The following HERC2 variants were observed in gnomAD, a reference collection of about 807,000 sequenced individuals.
HERC2 encodes HECT and RLD domain containing E3 ubiquitin protein ligase 2.
In HERC2, 102 loss-of-function variants were observed where a neutral mutation model predicts 537.7. That is an observed-to-expected ratio of 0.19 (90% CI 0.16 to 0.22). The LOEUF (loss-of-function observed/expected upper bound fraction) is 0.22. Ranked by LOEUF, HERC2 falls within the 10% of genes least tolerant of loss-of-function variation. The pLI, the probability that HERC2 is intolerant of heterozygous loss-of-function variation, is 1.00. For missense variants in HERC2, 4,236 were observed against 6,198.2 expected, an observed-to-expected ratio of 0.68 and a Z score of 10.63; for synonymous variants, 2,224 against 2,466.2, an observed-to-expected ratio of 0.90 and a Z score of 2.91.
At chr15:28,299,114 T>C (rs2141193288) in intron 3 of HERC2, among the ~76,000 whole-genome samples, 1 of 152,218 alleles carries the variant, frequency 6.6e-6, no homozygotes, top group East Asian at 1.9e-4. Flanking sequence ...TTCAATGGCA[T>C]TTCCTTGCAG....
chr15:28,238,750 G>T lies in HERC2; in HGVS notation c.3600C>A (p.Asn1200Lys). 6.2e-7 allele frequency: 1 copy of T among 1,610,786 alleles called. No homozygotes were observed. The highest frequency in any genetic ancestry group is 8.5e-7 in the Non-Finnish European group (1 of 1,178,878). Reference protein sequence around the residue: ...GIMESFFTGQNCRNNEEVTLI... With the variant: ...GIMESFFTGQKCRNNEEVTLI... ...GTGTCACTTCCTCATTATTTCTACA[G>T]TTCTGACCTGTAAAAAATGACTCTG... is the stretch of plus-strand genomic sequence containing the variant. Residue 1200 changes from asparagine to lysine, a missense_variant, in exon 24 of 93, where the codon AAC becomes AAA. Asn to Lys is a moderately conservative substitution (Grantham distance 94). This residue lies in a region of HERC2 where 754 missense variants were observed against 1,085.0 expected (regional missense o/e 0.69). Coordinates refer to ENST00000261609, the MANE Select transcript of HERC2 (RefSeq NM_004667.6).
intron 89 of HERC2, among the ~76,000 whole-genome samples, chr15:28,115,099 G>A (rs749123510): frequency 6.6e-6 from 1 of 151,580 alleles, no homozygotes; most frequent in Non-Finnish European, 1.5e-5. Context: ...ACACAGCCAT[G>A]GGGAATGAGC....
chr15:28,169,960 C>A (rs1232146233), intron 65 of HERC2, among the ~76,000 whole-genome samples: 1 of 152,178 alleles, frequency 6.6e-6, no homozygotes, highest in Non-Finnish European at 1.5e-5. Context: ...ACAATAACTA[C>A]CTGTATTTTC....
rs534209639 is a variant in HERC2, at chr15:28,272,376, A to C, written c.922T>G (p.Ser308Ala). Residue 308 changes from serine (S) to alanine (A), a missense_variant, in exon 9 of 93, where the codon TCT (serine) becomes GCT (alanine). Around this residue, in one of 27 missense-constraint regions of HERC2, gnomAD observed 491 missense variants for 559.3 expected, o/e 0.88. Transcript: ENST00000261609. ...AGCTGAAGCAACAACAGGATGGCAGACAACATTTGGCTAAAGGAGAAAAGA... is the reference window on the plus strand; with the variant it reads ...AGCTGAAGCAACAACAGGATGGCAGCCAACATTTGGCTAAAGGAGAAAAGA... ...VQRGTLSQML[S>A]AILLLLQLWD... 10 of 1,611,858 alleles carry C rather than the reference A, an allele frequency of 6.2e-6. No homozygotes were observed. The Admixed American group carries it at 1.5e-4, about 24-fold the overall frequency.
At chr15:28,140,711 A>G (rs1222278707) in intron 78 of HERC2, among the ~76,000 whole-genome samples, 1 of 151,634 alleles carries the variant, frequency 6.6e-6, no homozygotes, top group Non-Finnish European at 1.5e-5. Flanking sequence ...TCGTAGAGAC[A>G]GGGTTTTCCT....
In HERC2 at chr15:28,113,971, A is replaced by C; in HGVS notation, c.13914-293T>G. Among the ~76,000 whole-genome samples, 1 of 152,136 alleles carries C rather than the reference A, an allele frequency of 6.6e-6. No individual in the cohort carries two copies. ...GGACACCCCAGGAGAAGCCAGCACC[A>C]AGAGGGGAAACACATGTGCATCCGC... On this transcript the variant is annotated intron_variant, in intron 90 of 92. Coordinates refer to ENST00000261609, the MANE Select transcript of HERC2 (RefSeq NM_004667.6). This position sits in a 1 kb window ranked among gnomAD's most constrained non-coding sequence, Gnocchi z 7.0.
At position 28,230,413 on chromosome 15, in the gene HERC2, C is replaced by A; in HGVS notation, c.4763G>T (p.Ser1588Ile). 1.3e-6 allele frequency: 2 copies of A among 1,516,324 alleles called. No individual in the cohort carries two copies. The highest frequency in any genetic ancestry group is 1.8e-6 in the Non-Finnish European group (2 of 1,108,116). The allele number at this position is 1,516,324 out of a possible 1,614,324, so 93.9% of individuals were successfully genotyped here. A position where few individuals can be genotyped will look rare whatever the true frequency, so the allele number is the denominator to read the frequency against. ...GGGTCTCTTGTCCACATTTATTGGA[C>A]TATGAGGCAAAATGCAAGCTTCTTC... ...DLEEACILPH[S>I]PINVDKRPIA... The change falls in exon 31 of 93, where the codon AGT becomes ATT. Residue 1588 changes from serine (S) to isoleucine (I), a missense_variant. By Grantham distance (142) the Ser-to-Ile change is moderately radical. Coordinates refer to ENST00000261609, the MANE Select transcript of HERC2 (RefSeq NM_004667.6).
chr15:28,296,218 G>C (rs920895553), intron 3 of HERC2, among the ~76,000 whole-genome samples: 13 of 152,150 alleles, frequency 8.5e-5, no homozygotes, highest in African/African-American at 2.9e-4. Context: ...GCTCACACCT[G>C]TAAACCCCAC....
At chr15:28,257,501 A>G (rs2075297957) in intron 16 of HERC2, among the ~76,000 whole-genome samples, 1 of 152,170 alleles carries the variant, frequency 6.6e-6, no homozygotes, top group African/African-American at 2.4e-5. Flanking sequence ...CATTTTTAAC[A>G]ATCTTTTCAC....
At chr15:28,197,707 C>T (rs1433148661) in intron 50 of HERC2, among the ~76,000 whole-genome samples, 5 of 152,062 alleles carry the variant, frequency 3.3e-5, no homozygotes, top group Admixed American at 6.6e-5. Flanking sequence ...GTCAAGATGG[C>T]GCCACTGCAC....
rs1887862461 is a variant in HERC2 at position 28,113,351 on chromosome 15, CGCT to C, written c.14020-71_14020-69del. 1 of 1,494,778 alleles carries C rather than the reference CGCT, an allele frequency of 6.7e-7. No individual in the cohort carries two copies. The highest frequency in any genetic ancestry group is 2.3e-5 in the East Asian group (1 of 43,436). The allele number at this position is 1,494,778 out of a possible 1,614,324, so 92.6% of individuals were successfully genotyped here. A position where few individuals can be genotyped will look rare whatever the true frequency, so the allele number is the denominator to read the frequency against. ...CTGGCATTTCCGCAAGACTCCGTCA[CGCT>C]CCCTCTCTACACCAAGGCCTGTTTG... On this transcript the variant is annotated intron_variant, in intron 91 of 92. Transcript: ENST00000261609. This position sits in a 1 kb window ranked among gnomAD's most constrained non-coding sequence, Gnocchi z 7.0.
chr15:28,138,622 T>C (rs1890888001), intron 78 of HERC2, among the ~76,000 whole-genome samples: 1 of 152,232 alleles, frequency 6.6e-6, no homozygotes, highest in Non-Finnish European at 1.5e-5. Context: ...TACTGCTCAT[T>C]GACAATGTAC....
At chr15:28,240,737 T>C (rs1235188757) in intron 23 of HERC2, among the ~76,000 whole-genome samples, 1 of 151,876 alleles carries the variant, frequency 6.6e-6, no homozygotes, top group Non-Finnish European at 1.5e-5. Flanking sequence ...CCAAAAACAA[T>C]CCATCACGTA....
intron 6 of HERC2, 100 bp downstream of exon 6, chr15:28,274,805 T>A (rs1351875455): frequency 6.8e-6 from 6 of 880,504 alleles, no homozygotes; most frequent in Non-Finnish European, 3.7e-6. Context: ...AGAGAGCACA[T>A]GGGATCAGCC....
chr15:28,274,512 C>T, intron 6 of HERC2, 65 bp from the exon 7 acceptor site: 1 of 1,500,576 alleles, frequency 6.7e-7, no homozygotes, highest in Non-Finnish European at 8.9e-7. Flanking sequence ...GGCTTCCCAC[C>T]CCTCAGCGAG....
chr15:28,194,003 A>T (rs955466847), intron 52 of HERC2, among the ~76,000 whole-genome samples: 2 of 152,064 alleles, frequency 1.3e-5, no homozygotes, highest in African/African-American at 4.8e-5. Context: ...ATGCAGAAAA[A>T]TCTAAATGAA....
intron 79 of HERC2, among the ~76,000 whole-genome samples, chr15:28,134,292 T>A (rs1302654339): frequency 6.6e-6 from 1 of 152,244 alleles, no homozygotes; most frequent in Non-Finnish European, 1.5e-5. Context: ...CGTATAGATG[T>A]ACAAGTAACT....
chr15:28,307,883 G>T (rs1180271597), intron 2 of HERC2, among the ~76,000 whole-genome samples: 1 of 152,122 alleles, frequency 6.6e-6, no homozygotes, highest in African/African-American at 2.4e-5. Context: ...ATTTGTTTCT[G>T]GATTCTCTAT....
intron 4 of HERC2, among the ~76,000 whole-genome samples, chr15:28,281,624 C>T (rs951092584): frequency 1.3e-5 from 2 of 152,206 alleles, no homozygotes; most frequent in Non-Finnish European, 2.9e-5. Context: ...CACAGGGTGG[C>T]GCACACTGTG....
Sources: allele counts gnomAD v4.1 joint callset (sites outside exome capture counted in the v4.1 genomes callset), GRCh38; gene constraint gnomAD v4.1.1; regional missense constraint gnomAD v4.1.1; non-coding constraint Gnocchi (gnomAD v3.1); transcripts MANE v1.5; gene names NCBI Gene and HGNC (gene_info 2026-07-23, HGNC 2026-07-21).